Variants in ITPKB observed in about 807,000 individuals in gnomAD.
ITPKB encodes IP3 3-kinase B.
In ITPKB, 13 loss-of-function variants were observed where a neutral mutation model predicts 69.4. The observed-to-expected ratio is 0.19, with a 90% confidence interval of 0.12 to 0.30. The LOEUF is 0.30. ITPKB is among the 10% of genes least tolerant of loss of function. The pLI, the probability that ITPKB is intolerant of heterozygous loss-of-function variation, is 1.00. For synonymous variants in ITPKB, 584 were observed against 513.7 expected (o/e 1.14, Z -1.85); for missense variants, 1,240 against 1,250.5 (o/e 0.99, Z 0.13).
rs909486381 is a variant in ITPKB, at chr1:226,662,807, A to G, written c.1933-14036T>C. 3.9e-5 allele frequency among the ~76,000 whole-genome samples: 6 copies of G among 152,252 alleles called. No homozygotes were observed. The East Asian group carries it at 5.8e-4, about 15-fold the overall frequency. ...ATTATGCTGATGTGCCTGTGGCTAA[A>G]TGGCACTCAGCAAGTGAGAATGCAG... On this transcript the variant is annotated intron_variant, in intron 2 of 7. Transcript: ENST00000429204.
At chr1:226,733,888 G>C (rs1353223055) in intron 2 of ITPKB, among the ~76,000 whole-genome samples, 1 of 152,214 alleles carries the variant, frequency 6.6e-6, no homozygotes, top group African/African-American at 2.4e-5. Context: ...GACACAAACT[G>C]TTTTGACAAC....
rs1418063339 is a variant in ITPKB at position 226,648,769 on chromosome 1, G to A, written c.1935C>T (p.Ser645=). The A allele has an allele frequency of 1.3e-6, 2 of 1,595,750 alleles. No homozygotes were observed. Among genetic ancestry groups the A allele is most frequent in the Admixed American group, 1.7e-5 (1 of 59,972 alleles). Residue 645 remains serine, a splice_region_variant and synonymous_variant, in exon 3 of 8, where the codon AGC becomes AGT. Transcript: ENST00000429204. The stretch of plus-strand genomic sequence containing the variant: ...TGTTTTTTATCTTCCTCCATGATTT[G>A]CTCTAGAAACAAACAAACAAAAAGC... ...HTLDQQKPRV[S]KSWRKIKNMV...
Position 226,704,688 on chromosome 1 carries a change from T to C in ITPKB, c.1932+30839A>G, listed in dbSNP as rs115047871. On this transcript the variant is annotated intron_variant, in intron 2 of 7. Coordinates refer to ENST00000429204, the MANE Select transcript of ITPKB (RefSeq NM_002221.4). ...TCTGCCAACTTTACAGCCAAGCTTT[T>C]TTCAGAGATCATTGGCTACTTAAAC... is the stretch of plus-strand genomic sequence containing the variant. 1.8e-3 allele frequency among the ~76,000 whole-genome samples: 269 copies of C among 152,354 alleles called. 1 individual carries two copies. Among genetic ancestry groups the C allele is most frequent in the African/African-American group, 6.2e-3 (256 of 41,586 alleles).
chr1:226,665,912 A>G (rs1669494937), intron 2 of ITPKB, among the ~76,000 whole-genome samples: 1 of 152,216 alleles, frequency 6.6e-6, no homozygotes, highest in Admixed American at 6.5e-5. Context: ...CATCCTGGCA[A>G]TGAAACTCAA....
At chr1:226,712,169 G>T (rs1236681534) in intron 2 of ITPKB, among the ~76,000 whole-genome samples, 1 of 152,168 alleles carries the variant, frequency 6.6e-6, no homozygotes, top group African/African-American at 2.4e-5. Flanking sequence ...GGTAAGGGCA[G>T]GGTTTAAACC....
intron 2 of ITPKB, among the ~76,000 whole-genome samples, chr1:226,675,734 T>C (rs1453598014): frequency 1.3e-5 from 2 of 152,216 alleles, no homozygotes; most frequent in Non-Finnish European, 2.9e-5. Flanking sequence ...GAGAATCCTA[T>C]GGAATCCTTC....
chr1:226,639,962 C>T (rs960064748), intron 5 of ITPKB, among the ~76,000 whole-genome samples: 1 of 152,168 alleles, frequency 6.6e-6, no homozygotes, highest in African/African-American at 2.4e-5. Context: ...GAGCATGACC[C>T]GGGGCTGGCC....
At chr1:226,660,849 C>T (rs888564121) in intron 2 of ITPKB, among the ~76,000 whole-genome samples, 5 of 152,240 alleles carry the variant, frequency 3.3e-5, no homozygotes, top group African/African-American at 1.2e-4. Context: ...AAGGGCTCAG[C>T]CTTTCCTCTG....
intron 2 of ITPKB, among the ~76,000 whole-genome samples, chr1:226,684,625 C>T (rs1040257121): frequency 1.3e-5 from 2 of 152,188 alleles, no homozygotes; most frequent in Non-Finnish European, 2.9e-5. Flanking sequence ...CACTGGTGAA[C>T]CAGCTCTGGG....
chr1:226,654,100 G>T (rs1329851298), intron 2 of ITPKB, among the ~76,000 whole-genome samples: 1 of 152,154 alleles, frequency 6.6e-6, no homozygotes, highest in East Asian at 1.9e-4. Flanking sequence ...TGGTGGTGGT[G>T]GGGAGGGGAG....
intron 2 of ITPKB, among the ~76,000 whole-genome samples, chr1:226,731,565 T>C (rs1177095295): frequency 6.6e-6 from 1 of 152,212 alleles, no homozygotes; most frequent in Admixed American, 6.5e-5. Context: ...CAGACAGAAC[T>C]AGATGACCCC....
intron 2 of ITPKB, chr1:226,656,804 G>A (rs981018707): frequency 6.6e-6 from 1 of 152,318 alleles, no homozygotes; most frequent in Admixed American, 6.5e-5. Flanking sequence ...CACTGGGCAC[G>A]GCAGGTATCA....
Position 226,647,268 on chromosome 1 carries a change from G to T in ITPKB, c.2145C>A (p.Tyr715Ter). The T allele has an allele frequency of 6.2e-7, 1 of 1,614,226 alleles. No individual in the cohort carries two copies. Among genetic ancestry groups the T allele is most frequent in the Non-Finnish European group, 8.5e-7 (1 of 1,180,022 alleles). ...VDVLRPFVPA[Y>*]HGDVVKDGER... ...CCCCGTCCTTCACCACATCCCCATGGTAGGCAGGTACGAAGGGCCTCAGCA... is the reference window on the plus strand; with the variant it reads ...CCCCGTCCTTCACCACATCCCCATGTTAGGCAGGTACGAAGGGCCTCAGCA... Residue 715 changes from tyrosine (Y) to a stop codon, truncating the protein, a stop_gained, in exon 4 of 8, where the codon TAC becomes TAA. Coordinates refer to ENST00000429204, the MANE Select transcript of ITPKB (RefSeq NM_002221.4). LOFTEE classifies it high-confidence loss of function.
chr1:226,732,554 T>G (rs1476616172), intron 2 of ITPKB, among the ~76,000 whole-genome samples: 1 of 151,796 alleles, frequency 6.6e-6, no homozygotes, highest in Non-Finnish European at 1.5e-5. Flanking sequence ...TGTTTTTTTT[T>G]TTTTTGTACA....
intron 2 of ITPKB, among the ~76,000 whole-genome samples, chr1:226,704,379 T>G (rs1656753035): frequency 6.6e-6 from 1 of 152,222 alleles, no homozygotes; most frequent in Non-Finnish European, 1.5e-5. Flanking sequence ...CTACCCACAT[T>G]GCAACAGGTT....
chr1:226,738,335 G>A lies in ITPKB; in HGVS notation c.-205-672C>T, dbSNP rs1011806504. On this transcript the variant is annotated intron_variant, in intron 1 of 7. Transcript: ENST00000429204. This position sits in a 1 kb window ranked among gnomAD's most constrained non-coding sequence, Gnocchi z 4.2. ...GGCCGCAGCCGAAGCATTTTTCAGG[G>A]CTAGCCTTGTCGCCTATCCCTAGAC... Among the ~76,000 whole-genome samples, 3 of 152,258 alleles carry A rather than the reference G, an allele frequency of 2.0e-5. No individual in the cohort carries two copies. Among genetic ancestry groups the A allele is most frequent in the African/African-American group, 7.2e-5 (3 of 41,552 alleles).
At chr1:226,734,811 A>C (rs1657696976) in intron 2 of ITPKB, among the ~76,000 whole-genome samples, 1 of 152,248 alleles carries the variant, frequency 6.6e-6, no homozygotes, top group Non-Finnish European at 1.5e-5. Context: ...ATGTACATCC[A>C]TTAGGAGGTA....
intron 2 of ITPKB, among the ~76,000 whole-genome samples, chr1:226,681,164 T>C (rs1367455350): frequency 6.6e-6 from 1 of 152,186 alleles, no homozygotes; most frequent in Non-Finnish European, 1.5e-5. Flanking sequence ...TGAGAAGACC[T>C]AACGTGGGGT....
intron 2 of ITPKB, among the ~76,000 whole-genome samples, chr1:226,653,619 T>C (rs1254117464): frequency 6.6e-6 from 1 of 152,226 alleles, no homozygotes. Flanking sequence ...AGACTCCGGA[T>C]GGAGTTCTGC....
Sources: gnomAD v4.1 joint callset for allele counts (sites outside exome capture counted in the v4.1 genomes callset) on GRCh38, gnomAD v4.1.1 for gene constraint, Gnocchi (gnomAD v3.1) non-coding constraint, MANE v1.5 for transcripts, NCBI Gene and HGNC (gene_info 2026-07-23, HGNC 2026-07-21) for gene names.